Variants in MROH2B observed in about 807,000 individuals in gnomAD.
The protein encoded by MROH2B is maestro heat-like repeat-containing protein family member 2B.
A neutral mutation model predicts 208.6 loss-of-function variants in MROH2B; 177 were observed. The ratio of observed to expected loss-of-function variants is 0.85; its 90% CI spans 0.75 to 0.96. The LOEUF (loss-of-function observed/expected upper bound fraction) is 0.96. Ranked by LOEUF, MROH2B falls within the 40% of genes least tolerant of loss-of-function variation. The pLI, the probability that MROH2B is intolerant of heterozygous loss-of-function variation, is 0.00. For missense variants in MROH2B, 2,002 were observed against 1,878.7 expected, an observed-to-expected ratio of 1.07 and a Z score of -1.21; for synonymous variants, 728 against 659.0, an observed-to-expected ratio of 1.10 and a Z score of -1.60.
intron 31 of MROH2B, 125 bp downstream of exon 31, chr5:41,009,792 GTTAAA>G: frequency 2.4e-6 from 2 of 829,190 alleles, no homozygotes; most frequent in African/African-American, 1.7e-5. Context: ...AATACCAATT[GTTAAA>G]TTGTTATTCA....
chr5:41,046,736 T>G (rs1476549634), intron 17 of MROH2B, among the ~76,000 whole-genome samples: 1 of 152,202 alleles, frequency 6.6e-6, no homozygotes, highest in Non-Finnish European at 1.5e-5. Context: ...AAAAATATTT[T>G]TCTCCCTAGT....
At chr5:41,062,188 C>T (rs987664607) in intron 5 of MROH2B, among the ~76,000 whole-genome samples, 18 of 151,952 alleles carry the variant, frequency 1.2e-4, no homozygotes, top group African/African-American at 4.4e-4. Context: ...TGTAATAGCC[C>T]CAAACAGAAT....
At chr5:41,059,311 A>G (rs1743565678) in intron 6 of MROH2B, among the ~76,000 whole-genome samples, 1 of 152,216 alleles carries the variant, frequency 6.6e-6, no homozygotes, top group Non-Finnish European at 1.5e-5. Context: ...TGTAGAAATC[A>G]CAAATGTTAT....
Position 41,018,359 on chromosome 5 carries a change from C to T in MROH2B, c.2745G>A (p.Val915=). 2 of 1,612,952 alleles carry T rather than the reference C, an allele frequency of 1.2e-6. No individual in the cohort carries two copies. The highest frequency in any genetic ancestry group is 1.7e-6 in the Non-Finnish European group (2 of 1,179,574). The change falls in exon 27 of 42, where the codon GTG becomes GTA. Residue 915 remains valine (V), a synonymous_variant. Coordinates refer to ENST00000399564, the MANE Select transcript of MROH2B (RefSeq NM_173489.5). ...RERAFQITAK[V]LTNDIEAPEN... ...TACTTACCTCAATATCATTTGTCAG[C>T]ACTTTCGCAGTGATCTGGAAGGCTC...
intron 34 of MROH2B, among the ~76,000 whole-genome samples, chr5:41,006,677 C>T (rs1741603830): frequency 6.6e-6 from 1 of 152,154 alleles, no homozygotes; most frequent in Non-Finnish European, 1.5e-5. Flanking sequence ...GAAATAATGG[C>T]ATTTGCAGCA....
chr5:41,056,468 G>T (rs1221180527), intron 9 of MROH2B, among the ~76,000 whole-genome samples: 1 of 152,046 alleles, frequency 6.6e-6, no homozygotes, highest in Non-Finnish European at 1.5e-5. Context: ...AGGTAGAAGT[G>T]ATGTAGTATT....
intron 26 of MROH2B, 36 bp downstream of exon 26, chr5:41,018,655 A>C (rs1251632896): frequency 6.2e-7 from 1 of 1,602,212 alleles, no homozygotes. Flanking sequence ...CAGATTAGGG[A>C]GAATGAGAAT....
chr5:41,044,589 G>T (rs977633416), intron 18 of MROH2B, among the ~76,000 whole-genome samples: 2 of 152,168 alleles, frequency 1.3e-5, no homozygotes, highest in African/African-American at 4.8e-5. Context: ...GAGGTGCACA[G>T]AGCTAGTTTG....
At chr5:41,028,746 A>G (rs551755662) in intron 24 of MROH2B, among the ~76,000 whole-genome samples, 1 of 152,136 alleles carries the variant, frequency 6.6e-6, no homozygotes, top group Non-Finnish European at 1.5e-5. Flanking sequence ...TATCTGTGCT[A>G]TTGTTAATAA....
At chr5:41,069,319 G>A (rs540618245) in intron 2 of MROH2B, among the ~76,000 whole-genome samples, 4 of 152,286 alleles carry the variant, frequency 2.6e-5, no homozygotes, top group African/African-American at 9.6e-5. Context: ...ACTTCTAGCT[G>A]TGAAATAGCA....
Position 41,032,803 on chromosome 5 carries a change from G to C in MROH2B, c.2380C>G (p.Pro794Ala). 1.9e-6 allele frequency: 3 copies of C among 1,612,230 alleles called. No individual in the cohort carries two copies. Among genetic ancestry groups the C allele is most frequent in the Non-Finnish European group, 2.5e-6 (3 of 1,179,018 alleles). The stretch of plus-strand genomic sequence containing the variant: ...ATAGGGCTAGCTAAGGAATCCAGGG[G>C]CTCGTCTCTAATGAAGTCCTGAAAC... ...GYMLDFIRDE[P>A]LDSLASPIRW... Residue 794 changes from proline to alanine, a missense_variant, in exon 24 of 42, where the codon CCC becomes GCC. Physicochemically the swap from Pro to Ala is conservative, Grantham distance 27. Coordinates refer to ENST00000399564, the MANE Select transcript of MROH2B (RefSeq NM_173489.5).
At position 41,018,374 on chromosome 5, in the gene MROH2B, C is replaced by A. The variant is rs780425805; in HGVS notation, c.2730G>T (p.Gln910His). The change falls in exon 27 of 42, where the codon CAG becomes CAT. Residue 910 changes from glutamine (Q) to histidine (H), a missense_variant. Physicochemically the swap from Gln to His is conservative, Grantham distance 24 (BLOSUM62 0). Coordinates refer to ENST00000399564, the MANE Select transcript of MROH2B (RefSeq NM_173489.5). The stretch of plus-strand genomic sequence containing the variant: ...CATTTGTCAGCACTTTCGCAGTGAT[C>A]TGGAAGGCTCTTTCTCTTTCCCACT... Reference protein sequence around the residue: ...QKEWERERAFQITAKVLTNDI... With the variant: ...QKEWERERAFHITAKVLTNDI... 6.2e-7 allele frequency: 1 copy of A among 1,613,318 alleles called. No homozygotes were observed. The highest frequency in any genetic ancestry group is 8.5e-7 in the Non-Finnish European group (1 of 1,179,746).
rs772694441 is a variant in MROH2B, at chr5:41,045,740, A to C, written c.1836+6T>G. On this transcript the variant is annotated splice_donor_region_variant and intron_variant, in intron 18 of 41. Transcript: ENST00000399564. ...GCTAAGGTTTCCCCTCAGCTGAAAA[A>C]CCAACCTTCTCAGTGGAGTTATTGC... 1 of 1,612,454 alleles carries C rather than the reference A, an allele frequency of 6.2e-7. No individual in the cohort carries two copies. Among genetic ancestry groups the C allele is most frequent in the Non-Finnish European group, 8.5e-7 (1 of 1,178,770 alleles).
chr5:41,005,017 C>T (rs2111806505), intron 35 of MROH2B, 97 bp from the exon 36 acceptor site: 2 of 1,465,576 alleles, frequency 1.4e-6, no homozygotes, highest in Non-Finnish European at 1.8e-6. Flanking sequence ...AAGAGAGGAC[C>T]CCACTGCTTG....
intron 3 of MROH2B, among the ~76,000 whole-genome samples, chr5:41,066,305 T>C (rs1333721588): frequency 1.3e-5 from 2 of 152,174 alleles, no homozygotes; most frequent in Non-Finnish European, 2.9e-5. Context: ...CCAGATAAGA[T>C]ATTAAAAATA....
intron 37 of MROH2B, among the ~76,000 whole-genome samples, chr5:41,002,833 A>G (rs911018279): frequency 1.3e-5 from 2 of 152,216 alleles, no homozygotes; most frequent in Admixed American, 6.5e-5. Context: ...TTGGATCAAC[A>G]ACAATCCAGG....
At chr5:41,046,414 T>C (rs1743120527) in intron 17 of MROH2B, among the ~76,000 whole-genome samples, 1 of 151,992 alleles carries the variant, frequency 6.6e-6, no homozygotes, top group Non-Finnish European at 1.5e-5. Context: ...CCCATGTCCT[T>C]CTTCTTTGAA....
chr5:40,999,947 A>G (rs1741332857), intron 39 of MROH2B, 168 bp from the exon 40 acceptor site: 5 of 694,750 alleles, frequency 7.2e-6, no homozygotes, highest in Middle Eastern at 4.1e-4. Context: ...ACATTTAATC[A>G]GGAAGCCATC....
intron 21 of MROH2B, among the ~76,000 whole-genome samples, 162 bp downstream of exon 21, chr5:41,038,573 CT>C (rs1362287666): frequency 2.6e-5 from 4 of 152,188 alleles, no homozygotes; most frequent in African/African-American, 9.6e-5. Flanking sequence ...TTTTTTATGG[CT>C]GCATAGTAAT....
Sources: allele counts gnomAD v4.1 joint callset (sites outside exome capture counted in the v4.1 genomes callset), GRCh38; gene constraint gnomAD v4.1.1; transcripts MANE v1.5; gene names NCBI Gene and HGNC (gene_info 2026-07-23, HGNC 2026-07-21).